CSMD1: variants seen among roughly 807,000 people sequenced by gnomAD.
The protein encoded by CSMD1 is CUB and sushi domain-containing protein 1.
In CSMD1, 213 loss-of-function variants were observed where a neutral mutation model predicts 417.5. That is an observed-to-expected ratio of 0.51 (90% CI 0.46 to 0.57). The LOEUF is 0.57. Ranked by LOEUF, CSMD1 falls within the 20% of genes least tolerant of loss-of-function variation. The probability of loss-of-function intolerance (pLI) is 0.00; values close to 1 mark genes in which losing one functional copy is unlikely to be tolerated. For synonymous variants in CSMD1, 2,862 were observed against 1,736.8 expected (o/e 1.65, Z -16.11); for missense variants, 6,923 against 4,529.7 (o/e 1.53, Z -15.17).
intron 3 of CSMD1, among the ~76,000 whole-genome samples, chr8:4,350,559 A>G (rs1005237147): frequency 3.9e-5 from 6 of 152,182 alleles, no homozygotes; most frequent in African/African-American, 1.4e-4. Flanking sequence ...TCCTGATTCC[A>G]CATTTATTCA....
chr8:3,268,261 C>G (rs999635504), intron 26 of CSMD1, among the ~76,000 whole-genome samples: 4 of 146,786 alleles, frequency 2.7e-5, no homozygotes, highest in Non-Finnish European at 6.0e-5. Flanking sequence ...TTTCTCCCAT[C>G]AGGGTGTGGT....
chr8:2,946,064 T>C (rs1802211047), intron 68 of CSMD1, among the ~76,000 whole-genome samples: 1 of 152,180 alleles, frequency 6.6e-6, no homozygotes, highest in Non-Finnish European at 1.5e-5. Context: ...CTACTGCATA[T>C]CTAGGCTATA....
intron 3 of CSMD1, among the ~76,000 whole-genome samples, chr8:4,311,555 T>A (rs1035927062): frequency 4.0e-5 from 6 of 151,872 alleles, no homozygotes; most frequent in African/African-American, 1.2e-4. Context: ...AAACCCTGTC[T>A]CTACTAAAAA....
chr8:4,800,995 C>G (rs1363773765), intron 1 of CSMD1, among the ~76,000 whole-genome samples: 1 of 152,176 alleles, frequency 6.6e-6, no homozygotes, highest in African/African-American at 2.4e-5. Context: ...GTTGTAAGCA[C>G]AACTGCTTGC....
chr8:3,950,579 T>C (rs1050649715), intron 5 of CSMD1, among the ~76,000 whole-genome samples: 9 of 152,186 alleles, frequency 5.9e-5, no homozygotes, highest in Non-Finnish European at 1.2e-4. Context: ...CATAGCAATA[T>C]TGCGTGAAAT....
intron 2 of CSMD1, among the ~76,000 whole-genome samples, chr8:4,422,335 C>A (rs1351948993): frequency 6.6e-6 from 1 of 152,070 alleles, no homozygotes; most frequent in African/African-American, 2.4e-5. Context: ...ATGCTCCTCC[C>A]ACCAATTCAT....
chr8:3,523,470 A>C (rs1289723247), intron 10 of CSMD1, among the ~76,000 whole-genome samples: 1 of 152,174 alleles, frequency 6.6e-6, no homozygotes, highest in Non-Finnish European at 1.5e-5. Context: ...CCTAAAGTCC[A>C]ATTCGCCCAC....
At position 3,922,793 on chromosome 8, in the gene CSMD1, AC is replaced by A. The variant is rs563100178; in HGVS notation, c.818+75109del. ...TAGTACATTTGTCTGTACTTTTAAA[AC>A]TTTTTAATTGATGAATATAAAATTC... is the stretch of plus-strand genomic sequence containing the variant. On this transcript the variant is annotated intron_variant, in intron 5 of 69. Coordinates refer to ENST00000635120, the MANE Select transcript of CSMD1 (RefSeq NM_033225.6). Among the ~76,000 whole-genome samples the A allele has an allele frequency of 1.8e-4, 27 of 152,244 alleles. No individual in the cohort carries two copies. The East Asian group carries it at 3.3e-3, about 18-fold the overall frequency.
intron 3 of CSMD1, among the ~76,000 whole-genome samples, chr8:4,095,015 T>C (rs956032085): frequency 6.6e-6 from 1 of 152,162 alleles, no homozygotes; most frequent in Non-Finnish European, 1.5e-5. Context: ...GGAGAGACCA[T>C]GGCAACAAAG....
At chr8:4,202,688 G>C (rs1585014986) in intron 3 of CSMD1, among the ~76,000 whole-genome samples, 1 of 152,276 alleles carries the variant, frequency 6.6e-6, no homozygotes. Context: ...TTCAGTGAAA[G>C]AGGGAGAACC....
chr8:4,096,088 T>C (rs576661672), intron 3 of CSMD1, among the ~76,000 whole-genome samples: 1 of 152,172 alleles, frequency 6.6e-6, no homozygotes, highest in Non-Finnish European at 1.5e-5. Context: ...TTATATGTTA[T>C]CACAAGACTG....
intron 18 of CSMD1, among the ~76,000 whole-genome samples, chr8:3,380,427 G>A (rs1810561499): frequency 6.6e-6 from 1 of 152,144 alleles, no homozygotes; most frequent in Non-Finnish European, 1.5e-5. Context: ...CTACTATGAA[G>A]ACATATACAC....
intron 1 of CSMD1, among the ~76,000 whole-genome samples, chr8:4,810,213 C>T (rs183280592): frequency 1.3e-5 from 2 of 152,286 alleles, no homozygotes; most frequent in East Asian, 3.9e-4. Context: ...CATTCCCTGT[C>T]ATGTATTAAA....
intron 7 of CSMD1, among the ~76,000 whole-genome samples, chr8:3,645,828 C>G (rs1290881649): frequency 1.3e-5 from 2 of 152,142 alleles, no homozygotes; most frequent in Admixed American, 6.5e-5. Context: ...CACTGGGCTA[C>G]AAGAAGAATC....
At chr8:4,169,021 G>A (rs190838762) in intron 3 of CSMD1, among the ~76,000 whole-genome samples, 1 of 152,068 alleles carries the variant, frequency 6.6e-6, no homozygotes, top group African/African-American at 2.4e-5. Context: ...CTCTTACTCT[G>A]TTCCAGTTGC....
rs552123234 is a variant in CSMD1, at chr8:4,003,286, G to T, written c.611-5176C>A. Reference sequence around the variant, plus strand: ...CGGGCACTTGTAATCCCAGCTACTCGCGAGGCTGAGGCAGGAGAATGGTGT... The same window carrying T: ...CGGGCACTTGTAATCCCAGCTACTCTCGAGGCTGAGGCAGGAGAATGGTGT... On this transcript the variant is annotated intron_variant, in intron 4 of 69. Coordinates refer to ENST00000635120, the MANE Select transcript of CSMD1 (RefSeq NM_033225.6). 2.6e-4 allele frequency among the ~76,000 whole-genome samples: 40 copies of T among 152,118 alleles called. No homozygotes were observed. In the South Asian group the frequency reaches 7.7e-3, roughly 29 times the overall value.
chr8:3,017,764 T>C (rs370086053), intron 52 of CSMD1, among the ~76,000 whole-genome samples: 1 of 142,162 alleles, frequency 7.0e-6, no homozygotes, highest in Non-Finnish European at 1.5e-5. Flanking sequence ...CCATGCAGAT[T>C]CAGAAGCTTA....
chr8:4,280,745 T>A (rs1796737615), intron 3 of CSMD1, among the ~76,000 whole-genome samples: 1 of 152,248 alleles, frequency 6.6e-6, no homozygotes, highest in African/African-American at 2.4e-5. Context: ...ACTTTCCTAG[T>A]ACCCATATTT....
chr8:3,643,840 CTAT>C (rs1797438566), intron 7 of CSMD1, among the ~76,000 whole-genome samples: 1 of 151,934 alleles, frequency 6.6e-6, no homozygotes, highest in Admixed American at 6.6e-5. Context: ...ATTAAGCTAC[CTAT>C]TATGTTAATT....
Sources: gnomAD v4.1 joint callset for allele counts (sites outside exome capture counted in the v4.1 genomes callset) on GRCh38, gnomAD v4.1.1 for gene constraint, MANE v1.5 for transcripts, NCBI Gene and HGNC (gene_info 2026-07-23, HGNC 2026-07-21) for gene names.